Variants in ANKRD12 observed in about 807,000 individuals in gnomAD.
The protein encoded by ANKRD12 is ankyrin repeat domain 12.
A neutral mutation model predicts 183.4 loss-of-function variants in ANKRD12; 85 were observed. That is an observed-to-expected ratio of 0.46 (90% CI 0.39 to 0.56). The LOEUF is 0.56. Among genes scored for constraint, ANKRD12 ranks in the 20% least tolerant of loss-of-function variants. The pLI, the probability that ANKRD12 is intolerant of heterozygous loss-of-function variation, is 0.00. For missense variants in ANKRD12, 2,405 were observed against 2,357.1 expected, an observed-to-expected ratio of 1.02 and a Z score of -0.42; for synonymous variants, 914 against 800.2, an observed-to-expected ratio of 1.14 and a Z score of -2.40.
In ANKRD12 at chr18:9,254,961, C is replaced by G. The variant is rs747196222; in HGVS notation, c.1694C>G (p.Thr565Arg). 1.2e-6 allele frequency: 2 copies of G among 1,606,494 alleles called. No homozygotes were observed. The highest frequency in any genetic ancestry group is 4.5e-5 in the East Asian group (2 of 44,492). The change falls in exon 9 of 13, where the codon ACA becomes AGA. Residue 565 changes from threonine (T) to arginine (R), a missense_variant. This residue lies in a region of ANKRD12 where 1,983 missense variants were observed against 1,725.9 expected (regional missense o/e 1.15). Transcript: ENST00000262126. ...STPLKQEHTK[T>R]CLSPGSSEMS... ...CCACTAAAACAAGAACATACTAAAA[C>G]ATGTTTATCACCAGGAAGTTCTGAA... is the stretch of plus-strand genomic sequence containing the variant.
chr18:9,155,351 A>C (rs2030247589), intron 1 of ANKRD12, among the ~76,000 whole-genome samples: 1 of 152,220 alleles, frequency 6.6e-6, no homozygotes, highest in Non-Finnish European at 1.5e-5. Context: ...ATGCGCCATA[A>C]TTTGTTTAAC....
intron 8 of ANKRD12, among the ~76,000 whole-genome samples, chr18:9,240,496 A>G (rs2037599418): frequency 6.6e-6 from 1 of 152,162 alleles, no homozygotes; most frequent in South Asian, 2.1e-4. Context: ...AACTTGTCAC[A>G]TAACACCCCT....
chr18:9,180,039 A>G (rs2033586641), intron 1 of ANKRD12, among the ~76,000 whole-genome samples: 2 of 152,178 alleles, frequency 1.3e-5, no homozygotes. Context: ...ATGTTATGTC[A>G]ATAAAAAGTA....
chr18:9,169,106 C>T (rs906115851), intron 1 of ANKRD12, among the ~76,000 whole-genome samples: 4 of 152,054 alleles, frequency 2.6e-5, no homozygotes, highest in African/African-American at 9.7e-5. Context: ...AATTTCTGTT[C>T]TTTTACATTT....
chr18:9,218,499 C>CA (rs1479944550), intron 7 of ANKRD12, among the ~76,000 whole-genome samples: 1 of 152,122 alleles, frequency 6.6e-6, no homozygotes, highest in African/African-American at 2.4e-5. Flanking sequence ...ATAGTCATGA[C>CA]AACTTCAGCC....
chr18:9,214,986 C>T (rs932638785), intron 6 of ANKRD12, among the ~76,000 whole-genome samples: 10 of 152,036 alleles, frequency 6.6e-5, no homozygotes, highest in Admixed American at 4.6e-4. Context: ...GGGAATTTAA[C>T]GCCAGCAAAG....
In ANKRD12 at chr18:9,258,096, C is replaced by T; in HGVS notation, c.4829C>T (p.Thr1610Ile). The change falls in exon 9 of 13, where the codon ACT (threonine) becomes ATT (isoleucine). Residue 1610 changes from threonine to isoleucine, a missense_variant. Physicochemically the swap from Thr to Ile is moderately conservative, Grantham distance 89 (BLOSUM62 -1). Transcript: ENST00000262126. Reference sequence around the variant, plus strand: ...ACACATTATGCATTTAGCAAACTAACTTACAAGTCTTCCAGTGGCCATGAA... The same window carrying T: ...ACACATTATGCATTTAGCAAACTAATTTACAAGTCTTCCAGTGGCCATGAA... The part of the protein sequence containing the change: ...LNTHYAFSKL[T>I]YKSSSGHEVE... 1 of 1,613,330 alleles carries T rather than the reference C, an allele frequency of 6.2e-7. No homozygotes were observed. Among genetic ancestry groups the T allele is most frequent in the Middle Eastern group, 1.6e-4 (1 of 6,062 alleles).
chr18:9,272,684 ATTT>A (rs2039662181), intron 10 of ANKRD12, among the ~76,000 whole-genome samples: 1 of 152,132 alleles, frequency 6.6e-6, no homozygotes. Context: ...GCATCTGGCT[ATTT>A]TTAATTTTGC....
chr18:9,175,675 G>A (rs756927795), intron 1 of ANKRD12, among the ~76,000 whole-genome samples: 1 of 151,668 alleles, frequency 6.6e-6, no homozygotes, highest in Non-Finnish European at 1.5e-5. Context: ...TTATAGGCAG[G>A]TGCCACCATG....
At chr18:9,176,043 A>T (rs951184070) in intron 1 of ANKRD12, among the ~76,000 whole-genome samples, 2 of 152,080 alleles carry the variant, frequency 1.3e-5, no homozygotes, top group Non-Finnish European at 2.9e-5. Flanking sequence ...TTCAAGAAGG[A>T]TGTTTATCTG....
At chr18:9,215,175 T>C (rs1363055503) in intron 6 of ANKRD12, among the ~76,000 whole-genome samples, 1 of 152,002 alleles carries the variant, frequency 6.6e-6, no homozygotes, top group African/African-American at 2.4e-5. Flanking sequence ...TACCCTATTC[T>C]GGGAAAAAGA....
chr18:9,190,927 T>C (rs72937257), intron 2 of ANKRD12, among the ~76,000 whole-genome samples: 11,252 of 152,258 alleles, frequency 0.074, 429 homozygotes, highest in African/African-American at 0.084. Flanking sequence ...TGGAACTGAA[T>C]CTGCCATATC....
At chr18:9,266,802 A>G (rs1407208129) in intron 10 of ANKRD12, among the ~76,000 whole-genome samples, 1 of 152,182 alleles carries the variant, frequency 6.6e-6, no homozygotes, top group African/African-American at 2.4e-5. Flanking sequence ...AAATGCTCCA[A>G]TTAAAAGACA....
At chr18:9,234,758 A>C (rs1352949764) in intron 8 of ANKRD12, among the ~76,000 whole-genome samples, 4 of 152,132 alleles carry the variant, frequency 2.6e-5, no homozygotes, top group Non-Finnish European at 5.9e-5. Flanking sequence ...ACCCAGTGCA[A>C]GTTCCCTGTC....
chr18:9,263,876 C>G lies in ANKRD12; in HGVS notation c.5751C>G (p.His1917Gln). 1 of 1,480,090 alleles carries G rather than the reference C, an allele frequency of 6.8e-7. No homozygotes were observed. The highest frequency in any genetic ancestry group is 9.3e-7 in the Non-Finnish European group (1 of 1,070,042). 91.7% of individuals were successfully genotyped at this position (1,480,090 alleles called of 1,614,324 possible). The change falls in exon 10 of 13, where the codon CAC becomes CAG. Residue 1917 changes from histidine (H) to glutamine (Q), a missense_variant. This residue lies in a region of ANKRD12 where 162 missense variants were observed against 272.2 expected (regional missense o/e 0.60). Coordinates refer to ENST00000262126, the MANE Select transcript of ANKRD12 (RefSeq NM_015208.5). Reference protein sequence around the residue: ...EVVRMKLRLQHSIEREKLIVS... With the variant: ...EVVRMKLRLQQSIEREKLIVS... ...TAAGGATGAAACTACGTTTGCAACA[C>G]AGTATTGAAAGGGTAAGAAATGTTT...
chr18:9,171,793 G>A (rs1385212057), intron 1 of ANKRD12, among the ~76,000 whole-genome samples: 1 of 152,052 alleles, frequency 6.6e-6, no homozygotes, highest in African/African-American at 2.4e-5. Context: ...GGCTGAGGTG[G>A]GTAGATACCT....
chr18:9,242,226 AT>A lies in ANKRD12; in HGVS notation c.944-11984del, dbSNP rs368977225. ...AATTTCAAATGTATTTGCCCAAAAA[AT>A]GTAGTTATTTATTGCAAATACCAAA... On this transcript the variant is annotated intron_variant, in intron 8 of 12. Transcript: ENST00000262126. 2.7e-4 allele frequency among the ~76,000 whole-genome samples: 41 copies of A among 152,292 alleles called. 1 individual carries two copies. The East Asian group carries it at 7.5e-3, about 28-fold the overall frequency.
chr18:9,147,374 T>G (rs2078526082), intron 1 of ANKRD12, among the ~76,000 whole-genome samples: 1 of 152,072 alleles, frequency 6.6e-6, no homozygotes, highest in Non-Finnish European at 1.5e-5. Context: ...TATTTATAAT[T>G]GTTATAATAT....
chr18:9,152,255 A>G (rs1307139950), intron 1 of ANKRD12, among the ~76,000 whole-genome samples: 1 of 152,236 alleles, frequency 6.6e-6, no homozygotes, highest in Non-Finnish European at 1.5e-5. Context: ...GAACACAGTC[A>G]TAACAGAGAA....
Sources: gnomAD v4.1 joint callset for allele counts (sites outside exome capture counted in the v4.1 genomes callset) on GRCh38, gnomAD v4.1.1 for gene constraint, gnomAD v4.1.1 regional missense constraint, MANE v1.5 for transcripts, NCBI Gene and HGNC (gene_info 2026-07-23, HGNC 2026-07-21) for gene names.